The following VPS37A variants were observed in gnomAD, a reference collection of about 807,000 sequenced individuals.
VPS37A encodes the protein VPS37A subunit of ESCRT-I.
In VPS37A, 30 loss-of-function variants were observed where a neutral mutation model predicts 49.8. The observed-to-expected ratio is 0.60, with a 90% confidence interval of 0.45 to 0.82. The LOEUF is 0.82. Ranked by LOEUF, VPS37A falls within the 40% of genes least tolerant of loss-of-function variation. The pLI is 0.00. For synonymous variants in VPS37A, 195 were observed against 160.6 expected, an observed-to-expected ratio of 1.21 and a Z score of -1.62; for missense variants, 593 against 464.4, an observed-to-expected ratio of 1.28 and a Z score of -2.55.
chr8:17,260,812 A>G (rs1264700996), intron 1 of VPS37A, among the ~76,000 whole-genome samples: 5 of 152,068 alleles, frequency 3.3e-5, no homozygotes, highest in Admixed American at 6.5e-5. Flanking sequence ...CTTCTGGCCT[A>G]TATGGTTCTC....
chr8:17,300,233 G>GAAAT (rs764479780), downstream of VPS37A: 96 of 1,590,380 alleles, frequency 6.0e-5, no homozygotes, highest in Non-Finnish European at 7.9e-5. Flanking sequence ...CTCTAAGAAA[G>GAAAT]AAATAACAAT....
chr8:17,298,497 C>T (rs574473653), downstream of VPS37A: 61 of 152,428 alleles, frequency 4.0e-4, no homozygotes, highest in African/African-American at 1.4e-3. Context: ...AGCAATGTTG[C>T]TTTCTTGCCC....
downstream of VPS37A, among the ~76,000 whole-genome samples, chr8:17,301,255 G>C (rs13256987): frequency 0.023 from 3,517 of 152,310 alleles, 60 homozygotes; most frequent in Non-Finnish European, 0.039. Flanking sequence ...TGCAATGTAA[G>C]AATTTCAAAA....
chr8:17,248,756 T>C (rs1018613805), intron 1 of VPS37A, among the ~76,000 whole-genome samples: 17 of 152,342 alleles, frequency 1.1e-4, no homozygotes, highest in African/African-American at 3.8e-4. Context: ...TTTAGGTGTT[T>C]CTTGGTTCGT....
chr8:17,275,010 C>A, intron 5 of VPS37A, 52 bp downstream of exon 5: 1 of 1,507,146 alleles, frequency 6.6e-7, no homozygotes, highest in Non-Finnish European at 9.2e-7. Flanking sequence ...TTCATTCAAT[C>A]CACACACCTT....
downstream of VPS37A, among the ~76,000 whole-genome samples, chr8:17,300,626 C>T (rs1048924847): frequency 6.6e-6 from 1 of 152,238 alleles, no homozygotes; most frequent in Middle Eastern, 3.4e-3. Flanking sequence ...ATTCACTTAC[C>T]GTGAAACTCA....
chr8:17,254,413 G>T (rs371655536), intron 1 of VPS37A, among the ~76,000 whole-genome samples: 22 of 152,268 alleles, frequency 1.4e-4, no homozygotes, highest in Non-Finnish European at 1.6e-4. Flanking sequence ...AAACAAGCTA[G>T]GAAAAGAGGC....
chr8:17,326,521 A>G, the VPS37A span: 1 of 152,224 alleles, frequency 6.6e-6, no homozygotes, highest in Non-Finnish European at 1.5e-5. Flanking sequence ...TCACTGTAAT[A>G]TGATAAAAAG....
chr8:17,285,556 T>C (rs1040517702), intron 10 of VPS37A, among the ~76,000 whole-genome samples: 3 of 152,188 alleles, frequency 2.0e-5, no homozygotes, highest in Non-Finnish European at 4.4e-5. Flanking sequence ...GTTAGTAAAC[T>C]TTATGAAACA....
chr8:17,279,967 T>C lies in VPS37A; in HGVS notation c.714-61T>C, dbSNP rs117491556. ...ACTAAAGCTGAAAAATTGTAAATAG[T>C]TGTCATGGAGAAAAACTCGATGTCT... On this transcript the variant is annotated intron_variant, in intron 6 of 11. Transcript: ENST00000324849. 1,404 of 1,603,650 alleles carry C rather than the reference T, an allele frequency of 8.8e-4. 12 individuals are homozygous for C. In the East Asian group the frequency reaches 0.018, roughly 20 times the overall value.
At chr8:17,331,693 T>C in the VPS37A span, among the ~76,000 whole-genome samples, 25 of 152,308 alleles carry the variant, frequency 1.6e-4, no homozygotes, top group East Asian at 1.9e-3. Context: ...CTCTATACAT[T>C]ATTATATCTT....
rs1423791487 is a variant in VPS37A, at chr8:17,295,706, A to G, written c.*720A>G. 2 of 152,290 alleles carry G rather than the reference A, an allele frequency of 1.3e-5. No individual in the cohort carries two copies. Among genetic ancestry groups the G allele is most frequent in the Admixed American group, 6.6e-5 (1 of 15,266 alleles). 9.4% of individuals were successfully genotyped at this position (152,290 alleles called of 1,614,324 possible). A position where few individuals can be genotyped will look rare whatever the true frequency, so the allele number is the denominator to read the frequency against. ...ATTCTTATGCTAATTTAAAACATAT[A>G]TATATCTGGTAGGTTTGTGGTTGGA... On this transcript the variant is annotated 3_prime_UTR_variant, in exon 12 of 12. Transcript: ENST00000324849.
the VPS37A span, among the ~76,000 whole-genome samples, chr8:17,314,394 C>G: frequency 1.3e-5 from 2 of 152,162 alleles, no homozygotes; most frequent in African/African-American, 4.8e-5. Flanking sequence ...ACATGTTATT[C>G]CAGTCTCTGA....
downstream of VPS37A, among the ~76,000 whole-genome samples, chr8:17,306,516 T>C (rs796430553): frequency 6.6e-6 from 1 of 152,354 alleles, no homozygotes; most frequent in African/African-American, 2.4e-5. Context: ...TTATCTCCCA[T>C]TGCTTTGCTT....
chr8:17,261,714 CA>C (rs1812979494), intron 1 of VPS37A, among the ~76,000 whole-genome samples: 1 of 152,194 alleles, frequency 6.6e-6, no homozygotes, highest in African/African-American at 2.4e-5. Flanking sequence ...GTACCTGGAG[CA>C]GTGCCCATCT....
chr8:17,271,954 A>C (rs377350406), intron 4 of VPS37A: 1 of 455,964 alleles, frequency 2.2e-6, no homozygotes, highest in African/African-American at 2.0e-5. Flanking sequence ...CATATTTAGC[A>C]GTTCTTTAAT....
At chr8:17,254,355 T>A (rs1008509458) in intron 1 of VPS37A, among the ~76,000 whole-genome samples, 2 of 152,176 alleles carry the variant, frequency 1.3e-5, no homozygotes, top group African/African-American at 4.8e-5. Flanking sequence ...GCTGTCTCTG[T>A]GTTAATCTGA....
chr8:17,247,793 C>G, intron 1 of VPS37A: 2 of 702,350 alleles, frequency 2.8e-6, no homozygotes, highest in Non-Finnish European at 5.2e-6. Context: ...GAAAATAGAA[C>G]TGTTGCAACA....
intron 11 of VPS37A, among the ~76,000 whole-genome samples, chr8:17,292,839 G>T (rs1816275521): frequency 6.6e-6 from 1 of 152,128 alleles, no homozygotes; most frequent in Non-Finnish European, 1.5e-5. Flanking sequence ...TAGTCTGATG[G>T]GCTTCCCTTT....
Sources: allele counts gnomAD v4.1 joint callset (sites outside exome capture counted in the v4.1 genomes callset), GRCh38; gene constraint gnomAD v4.1.1; transcripts MANE v1.5; gene names NCBI Gene and HGNC (gene_info 2026-07-23, HGNC 2026-07-21).